Variants in SEMA6D observed in about 807,000 individuals in gnomAD.
SEMA6D encodes the protein semaphorin 6D.
SEMA6D carries 35 observed loss-of-function variants against 106.6 expected under a neutral mutation model. That is an observed-to-expected ratio of 0.33 (90% CI 0.25 to 0.44). SEMA6D has a LOEUF of 0.44. Among genes scored for constraint, SEMA6D ranks in the 20% least tolerant of loss-of-function variants. The pLI, the probability that SEMA6D is intolerant of heterozygous loss-of-function variation, is 1.00. For missense variants in SEMA6D, 1,185 were observed against 1,345.9 expected, an observed-to-expected ratio of 0.88 and a Z score of 1.87; for synonymous variants, 499 against 487.7, an observed-to-expected ratio of 1.02 and a Z score of -0.31.
chr15:47,391,922 T>C (rs997663156), intron 1 of SEMA6D, among the ~76,000 whole-genome samples: 13 of 152,270 alleles, frequency 8.5e-5, no homozygotes, highest in Admixed American at 5.9e-4. Flanking sequence ...TTCATAGATA[T>C]ATTTACTCCC....
intron 4 of SEMA6D, among the ~76,000 whole-genome samples, chr15:47,673,506 T>C (rs1199996068): frequency 1.3e-5 from 2 of 152,222 alleles, no homozygotes; most frequent in African/African-American, 4.8e-5. Flanking sequence ...TATCACAGAA[T>C]GACCGGGCAG....
At chr15:47,412,025 G>A (rs187705738) in intron 1 of SEMA6D, among the ~76,000 whole-genome samples, 69 of 152,206 alleles carry the variant, frequency 4.5e-4, no homozygotes, top group African/African-American at 1.6e-3. Flanking sequence ...TTGCAGTCAC[G>A]TAAGCACATA....
chr15:47,759,879 T>A lies in SEMA6D; in HGVS notation c.81T>A (p.Asp27Glu). 6.2e-7 allele frequency: 1 copy of A among 1,613,426 alleles called. No homozygotes were observed. Among genetic ancestry groups the A allele is most frequent in the Non-Finnish European group, 8.5e-7 (1 of 1,179,418 alleles). The stretch of plus-strand genomic sequence containing the variant: ...GGGCAGTCAGCTTTCCTGAAGATGA[T>A]GAACCCCTTAATACTGTCGACTATC... Reference protein sequence around the residue: ...QLRAVSFPEDDEPLNTVDYHY... With the variant: ...QLRAVSFPEDEEPLNTVDYHY... Residue 27 changes from aspartate (D) to glutamate (E), a missense_variant, in exon 2 of 19, where the codon GAT becomes GAA. Asp to Glu is a conservative substitution (Grantham distance 45, BLOSUM62 2). Coordinates refer to ENST00000536845, the MANE Select transcript of SEMA6D (RefSeq NM_001358351.3).
chr15:47,372,771 G>A lies in SEMA6D; in HGVS notation c.-238-39622G>A, dbSNP rs1027791037. Among the ~76,000 whole-genome samples the A allele has an allele frequency of 3.9e-5, 6 of 152,214 alleles. No individual in the cohort carries two copies. The South Asian group carries it at 6.2e-4, about 16-fold the overall frequency. ...CTAAAACTCCAGCAACTCCCTCCAGGATACTTATAAATGTTATCCTACTGC... is the reference window on the plus strand; with the variant it reads ...CTAAAACTCCAGCAACTCCCTCCAGAATACTTATAAATGTTATCCTACTGC... On this transcript the variant is annotated intron_variant, in intron 1 of 19. Coordinates refer to the SEMA6D transcript ENST00000558014.
chr15:47,632,916 G>A (rs1262716275), intron 4 of SEMA6D, among the ~76,000 whole-genome samples: 1 of 151,932 alleles, frequency 6.6e-6, no homozygotes. Context: ...GTATATCACT[G>A]TGTATAGTTT....
chr15:47,564,194 A>G (rs2046162453), intron 3 of SEMA6D, among the ~76,000 whole-genome samples: 2 of 152,372 alleles, frequency 1.3e-5, no homozygotes, highest in East Asian at 3.9e-4. Context: ...TATTAAAAAT[A>G]CAAAAGACAA....
At chr15:47,283,319 C>T (rs1173441326) in intron 1 of SEMA6D, among the ~76,000 whole-genome samples, 1 of 152,120 alleles carries the variant, frequency 6.6e-6, no homozygotes, top group Admixed American at 6.6e-5. Flanking sequence ...CATGCCCTAT[C>T]CTGAATCATT....
intron 3 of SEMA6D, among the ~76,000 whole-genome samples, chr15:47,542,523 G>A (rs1262868438): frequency 1.3e-5 from 2 of 152,154 alleles, no homozygotes; most frequent in African/African-American, 2.4e-5. Context: ...CAACTCACAA[G>A]TAATACACTA....
At chr15:47,528,972 A>G (rs1307365872) in intron 3 of SEMA6D, among the ~76,000 whole-genome samples, 42 of 152,214 alleles carry the variant, frequency 2.8e-4, no homozygotes, top group Admixed American at 2.7e-3. Context: ...ACTATATACC[A>G]TATTCTTACA....
At chr15:47,319,085 C>T (rs2036819426) in intron 1 of SEMA6D, among the ~76,000 whole-genome samples, 1 of 151,994 alleles carries the variant, frequency 6.6e-6, no homozygotes, top group Non-Finnish European at 1.5e-5. Flanking sequence ...TCAACATATC[C>T]TCAAGCTCAA....
intron 1 of SEMA6D, among the ~76,000 whole-genome samples, chr15:47,278,641 G>T (rs563926932): frequency 7.2e-5 from 11 of 152,034 alleles, no homozygotes; most frequent in South Asian, 2.1e-4. Context: ...GTCAATTTTG[G>T]CTTTTGTTAC....
intron 3 of SEMA6D, among the ~76,000 whole-genome samples, chr15:47,591,961 C>T (rs2076447982): frequency 6.6e-6 from 1 of 152,110 alleles, no homozygotes; most frequent in Non-Finnish European, 1.5e-5. Context: ...ACATACACCA[C>T]AAGACCCCAG....
At chr15:47,409,994 A>T (rs1282481744) in intron 1 of SEMA6D, among the ~76,000 whole-genome samples, 5 of 151,992 alleles carry the variant, frequency 3.3e-5, no homozygotes, top group Non-Finnish European at 7.4e-5. Context: ...ATATTTAAGA[A>T]ATTTTTTTTT....
intron 3 of SEMA6D, among the ~76,000 whole-genome samples, chr15:47,530,352 C>T (rs1363152966): frequency 1.3e-5 from 2 of 152,144 alleles, no homozygotes; most frequent in South Asian, 2.1e-4. Context: ...TGAGCAAATG[C>T]ATTAATAGAT....
At position 47,770,904 on chromosome 15, in the gene SEMA6D, C is replaced by A. The variant is rs570111254; in HGVS notation, c.2341C>A (p.His781Asn). The change falls in exon 19 of 19, where the codon CAC becomes AAC. Residue 781 changes from histidine to asparagine, a missense_variant. This residue lies in a region of SEMA6D where 750 missense variants were observed against 783.5 expected (regional missense o/e 0.96). Transcript: ENST00000536845. ...TACTCCTGAGTCTACACCCGTGCTT[C>A]ACCAGAAGACCCTGCAGGCCATGAA... ...LPTPESTPVLHQKTLQAMKSH... is the reference protein window; with the variant it reads ...LPTPESTPVLNQKTLQAMKSH... The A allele has an allele frequency of 6.2e-7, 1 of 1,614,118 alleles. No homozygotes were observed. The highest frequency in any genetic ancestry group is 1.1e-5 in the South Asian group (1 of 91,080).
At chr15:47,227,563 TCTCTCTCA>T (rs1285060981) in intron 1 of SEMA6D, among the ~76,000 whole-genome samples, 6 of 84,676 alleles carry the variant, frequency 7.1e-5, no homozygotes, top group African/African-American at 1.4e-4. Flanking sequence ...TGTCTCTCTC[TCTCTCTCA>T]CACACACACA....
At chr15:47,672,993 G>A (rs919497988) in intron 4 of SEMA6D, among the ~76,000 whole-genome samples, 3 of 151,862 alleles carry the variant, frequency 2.0e-5, no homozygotes, top group Non-Finnish European at 4.4e-5. Context: ...TGGTGCCTAC[G>A]GCAGAAAGAT....
intron 3 of SEMA6D, among the ~76,000 whole-genome samples, chr15:47,581,103 C>G (rs1368697942): frequency 6.6e-6 from 1 of 152,202 alleles, no homozygotes; most frequent in Non-Finnish European, 1.5e-5. Flanking sequence ...CCACCCCTGC[C>G]TCCACAAGCA....
intron 4 of SEMA6D, among the ~76,000 whole-genome samples, chr15:47,664,489 C>G (rs2077987032): frequency 6.6e-6 from 1 of 152,188 alleles, no homozygotes; most frequent in African/African-American, 2.4e-5. Flanking sequence ...AACCACTTGT[C>G]ATGTATCACA....
Sources: allele counts gnomAD v4.1 joint callset (sites outside exome capture counted in the v4.1 genomes callset), GRCh38; gene constraint gnomAD v4.1.1; regional missense constraint gnomAD v4.1.1; transcripts MANE v1.5; gene names NCBI Gene and HGNC (gene_info 2026-07-23, HGNC 2026-07-21).